GRM5: variants seen among roughly 807,000 people sequenced by gnomAD.
GRM5 encodes the protein glutamate metabotropic receptor 5.
GRM5 carries 19 observed loss-of-function variants against 83.1 expected under a neutral mutation model. The observed-to-expected ratio is 0.23, with a 90% CI of 0.16 to 0.34. The LOEUF (loss-of-function observed/expected upper bound fraction) is 0.34, where lower values mean the gene tolerates loss of function less well. GRM5 is among the 10% of genes least tolerant of loss of function. GRM5 has a pLI of 1.00. For missense variants in GRM5, 1,160 were observed against 1,588.3 expected, an observed-to-expected ratio of 0.73 and a Z score of 4.58; for synonymous variants, 675 against 633.6, an observed-to-expected ratio of 1.07 and a Z score of -0.98.
chr11:88,779,196 T>C (rs758616781), intron 3 of GRM5, among the ~76,000 whole-genome samples: 13 of 152,206 alleles, frequency 8.5e-5, no homozygotes, highest in East Asian at 1.9e-4. Context: ...CTCAACTGCT[T>C]CTGAACACAT....
At chr11:88,762,347 AAAC>A (rs1942539192) in intron 3 of GRM5, among the ~76,000 whole-genome samples, 1 of 152,114 alleles carries the variant, frequency 6.6e-6, no homozygotes, top group Non-Finnish European at 1.5e-5. Flanking sequence ...AGTAAAAAGC[AAAC>A]AACCCCATTA....
At chr11:89,039,029 T>G (rs886345466) in intron 2 of GRM5, among the ~76,000 whole-genome samples, 1 of 151,962 alleles carries the variant, frequency 6.6e-6, no homozygotes, top group Non-Finnish European at 1.5e-5. Context: ...ACTTTGGAAG[T>G]CCAAGGCAGG....
chr11:88,893,797 G>T (rs143426753), intron 2 of GRM5, among the ~76,000 whole-genome samples: 108 of 152,060 alleles, frequency 7.1e-4, no homozygotes, highest in Admixed American at 9.8e-4. Context: ...TCCCTTTTCA[G>T]CAGGAAGTAG....
At chr11:88,818,156 A>T (rs1271344399) in intron 3 of GRM5, among the ~76,000 whole-genome samples, 1 of 152,104 alleles carries the variant, frequency 6.6e-6, no homozygotes, top group African/African-American at 2.4e-5. Flanking sequence ...AAATGAATGA[A>T]CTGGCTAAAG....
In GRM5 at chr11:88,818,735, T is replaced by C. The variant is rs1590882340; in HGVS notation, c.911+31171A>G. Among the ~76,000 whole-genome samples, 4 of 152,276 alleles carry C rather than the reference T, an allele frequency of 2.6e-5. No individual in the cohort carries two copies. The South Asian group carries it at 8.3e-4, about 32-fold the overall frequency. On this transcript the variant is annotated intron_variant, in intron 3 of 9. Transcript: ENST00000305447. ...GCACAACAAAGCTGACTAATAAACA[T>C]ATGTCTCTAAATCACAGTTTATATA...
intron 3 of GRM5, among the ~76,000 whole-genome samples, chr11:88,831,289 G>A (rs1165296886): frequency 5.3e-5 from 8 of 152,220 alleles, no homozygotes; most frequent in Non-Finnish European, 1.0e-4. Context: ...ACTGCCACAA[G>A]TAGCAGGGCC....
At chr11:88,646,687 T>A (rs1451111456) in intron 4 of GRM5, among the ~76,000 whole-genome samples, 1 of 150,954 alleles carries the variant, frequency 6.6e-6, no homozygotes, top group Non-Finnish European at 1.5e-5. Flanking sequence ...GTGAAAGAAA[T>A]GGGAAAGTCA....
At chr11:88,735,438 C>T (rs906254211) in intron 3 of GRM5, among the ~76,000 whole-genome samples, 1 of 152,046 alleles carries the variant, frequency 6.6e-6, no homozygotes, top group Non-Finnish European at 1.5e-5. Context: ...CTGTTGCTAT[C>T]ATCTTTGCCA....
At chr11:88,653,756 T>G (rs1213969184) in intron 3 of GRM5, among the ~76,000 whole-genome samples, 1 of 152,092 alleles carries the variant, frequency 6.6e-6, no homozygotes, top group Non-Finnish European at 1.5e-5. Flanking sequence ...AATAGCCAGG[T>G]AAAGTTAACT....
chr11:88,734,212 C>T (rs559065535), intron 3 of GRM5, among the ~76,000 whole-genome samples: 7 of 152,000 alleles, frequency 4.6e-5, no homozygotes, highest in African/African-American at 1.7e-4. Context: ...AAAGAAAGCA[C>T]ACTAATGGCC....
intron 4 of GRM5, among the ~76,000 whole-genome samples, chr11:88,652,486 C>T (rs577239972): frequency 1.3e-5 from 2 of 152,110 alleles, no homozygotes; most frequent in East Asian, 3.9e-4. Context: ...TTATAATTTT[C>T]AATTGCAATT....
chr11:88,584,988 G>C (rs568749002), intron 7 of GRM5, among the ~76,000 whole-genome samples: 3 of 152,310 alleles, frequency 2.0e-5, no homozygotes, highest in South Asian at 4.1e-4. Context: ...AGTGCAGAAA[G>C]ACTTTATGTC....
At chr11:88,813,304 A>T (rs530404973) in intron 3 of GRM5, among the ~76,000 whole-genome samples, 1 of 152,276 alleles carries the variant, frequency 6.6e-6, no homozygotes, top group Non-Finnish European at 1.5e-5. Context: ...TGCTAAGTGC[A>T]TGAATGATTA....
chr11:88,604,905 C>A lies in GRM5; in HGVS notation c.1207G>T (p.Ala403Ser). The A allele has an allele frequency of 1.2e-6, 2 of 1,612,192 alleles. No individual in the cohort carries two copies. Among genetic ancestry groups the A allele is most frequent in the Non-Finnish European group, 1.7e-6 (2 of 1,178,324 alleles). ...AGCCCATAGGCCATCGAATAGATGG[C>A]GTTGATCACAAATCCCATTTTGGAA... ...QDSKMGFVINAIYSMAYGLHN... is the reference protein window; with the variant it reads ...QDSKMGFVINSIYSMAYGLHN... The change falls in exon 5 of 10, where the codon GCC (alanine) becomes TCC (serine). Residue 403 changes from alanine to serine, a missense_variant. Transcript: ENST00000305447.
chr11:88,945,593 A>G (rs1938256521), intron 2 of GRM5, among the ~76,000 whole-genome samples: 1 of 152,088 alleles, frequency 6.6e-6, no homozygotes, highest in Admixed American at 6.6e-5. Flanking sequence ...CACACCTACA[A>G]CCATCTAATC....
intron 3 of GRM5, among the ~76,000 whole-genome samples, chr11:88,742,780 T>C (rs1942055190): frequency 6.6e-6 from 1 of 152,134 alleles, no homozygotes. Flanking sequence ...AAGGAATGCA[T>C]TTTTAACAAG....
intron 3 of GRM5, among the ~76,000 whole-genome samples, chr11:88,721,805 A>G (rs571708833): frequency 6.6e-6 from 1 of 152,270 alleles, no homozygotes; most frequent in South Asian, 2.1e-4. Context: ...ATCCTCTTTT[A>G]CTGAAATCAT....
intron 4 of GRM5, among the ~76,000 whole-genome samples, chr11:88,636,939 G>A (rs1385614047): frequency 6.6e-6 from 1 of 152,168 alleles, no homozygotes; most frequent in Non-Finnish European, 1.5e-5. Context: ...GTACCGTGCT[G>A]TTTTGGTTAC....
At chr11:88,981,624 A>G (rs1315918248) in intron 2 of GRM5, among the ~76,000 whole-genome samples, 4 of 151,408 alleles carry the variant, frequency 2.6e-5, no homozygotes, top group Admixed American at 2.6e-4. Context: ...TTATTTCTCT[A>G]CCCCCCACCT....
Sources: allele counts gnomAD v4.1 joint callset (sites outside exome capture counted in the v4.1 genomes callset), GRCh38; gene constraint gnomAD v4.1.1; transcripts MANE v1.5; gene names NCBI Gene and HGNC (gene_info 2026-07-23, HGNC 2026-07-21).